SHROOM2: variants seen among roughly 807,000 people sequenced by gnomAD.
SHROOM2 encodes protein Shroom2.
SHROOM2 carries 33 observed loss-of-function variants against 75.9 expected under a neutral mutation model. The ratio of observed to expected loss-of-function variants is 0.43; its 90% confidence interval spans 0.33 to 0.58. The LOEUF is 0.58. Among genes scored for constraint, SHROOM2 ranks in the 20% least tolerant of loss-of-function variants. The probability of loss-of-function intolerance (pLI) is 0.04; values close to 1 mark genes in which losing one functional copy is unlikely to be tolerated. For missense variants in SHROOM2, 1,434 were observed against 1,461.2 expected (o/e 0.98, Z 0.30); for synonymous variants, 655 against 663.6 (o/e 0.99, Z 0.20).
At position 9,818,207 on chromosome X, in the gene SHROOM2, C is replaced by T. The variant is rs149297980; in HGVS notation, c.165+31497C>T. 944 of 171,817 alleles carry T rather than the reference C, an allele frequency of 5.5e-3. 8 individuals are homozygous for T. The highest frequency in any genetic ancestry group is 0.028 in the African/African-American group (904 of 32,469). The allele number at this position is 171,817 out of a possible 1,213,427, so 14.2% of individuals were successfully genotyped here. A position where few individuals can be genotyped will look rare whatever the true frequency, so the allele number is the denominator to read the frequency against. On this transcript the variant is annotated intron_variant, in intron 1 of 9. Transcript: ENST00000380913. ...TAACGGAGAAGAATTTGCAGCATTA[C>T]AATGTTAAGCTAGGTTGTATCCATC...
At position 9,914,906 on chromosome X, in the gene SHROOM2, A is replaced by T. The variant is rs1209673645; in HGVS notation, c.2891+16616A>T. On this transcript the variant is annotated intron_variant, in intron 5 of 9. Coordinates refer to ENST00000380913, the MANE Select transcript of SHROOM2 (RefSeq NM_001649.4). ...AGAACTGGCCCAAGAATTCCTAGTT[A>T]TTCTCTTAGTAACTTTCACATCCCT... 5.4e-5 allele frequency among the ~76,000 whole-genome samples: 6 copies of T among 111,463 alleles called. No homozygotes were observed. In the South Asian group the frequency reaches 2.2e-3, roughly 41 times the overall value.
chrX:9,838,057 GTTTTT>G (rs573554791), intron 1 of SHROOM2, among the ~76,000 whole-genome samples: 1 of 75,794 alleles, frequency 1.3e-5, no homozygotes, highest in Non-Finnish European at 2.4e-5. Context: ...TGTGTGTGTG[GTTTTT>G]TTTTTTTTTT....
chrX:9,795,873 G>T (rs1275403185), intron 1 of SHROOM2, among the ~76,000 whole-genome samples: 1 of 110,538 alleles, frequency 9.0e-6, no homozygotes, highest in Non-Finnish European at 1.9e-5. Flanking sequence ...GCTCAGCTGG[G>T]CGAGGGTGAT....
At chrX:9,936,683 C>T (rs192036242) in intron 6 of SHROOM2, among the ~76,000 whole-genome samples, 168 of 111,618 alleles carry the variant, frequency 1.5e-3, no homozygotes, top group African/African-American at 4.8e-3. Context: ...CTGAGAACTA[C>T]GCAGGAACCC....
At chrX:9,933,688 G>A (rs1224377195) in intron 6 of SHROOM2, among the ~76,000 whole-genome samples, 3 of 112,084 alleles carry the variant, frequency 2.7e-5, no homozygotes, top group African/African-American at 6.5e-5. Flanking sequence ...GAAGTGGGAG[G>A]ATCACCTGAG....
intron 1 of SHROOM2, among the ~76,000 whole-genome samples, chrX:9,812,297 T>C (rs1245003464): frequency 8.9e-6 from 1 of 111,906 alleles, no homozygotes; most frequent in Non-Finnish European, 1.9e-5. Flanking sequence ...CAGAGCAGCT[T>C]GCACAGCAGC....
chrX:9,947,532 A>G lies in SHROOM2; in HGVS notation c.*595A>G, dbSNP rs765103480. ...ATAGTTTCCTAATGGTTAAAAACCA[A>G]CTGTGAAAGGAACCACCTGTGTGGT... On this transcript the variant is annotated 3_prime_UTR_variant, in exon 10 of 10. Transcript: ENST00000380913. 8.9e-6 allele frequency: 1 copy of G among 112,795 alleles called. No individual in the cohort carries two copies. The highest frequency in any genetic ancestry group is 2.8e-4 in the East Asian group (1 of 3,582). 9.3% of individuals were successfully genotyped at this position (112,795 alleles called of 1,213,427 possible). A position where few individuals can be genotyped will look rare whatever the true frequency, so the allele number is the denominator to read the frequency against.
Position 9,932,199 on chromosome X carries a change from A to G in SHROOM2, c.2916A>G (p.Glu972=). Residue 972 remains glutamate (E), a synonymous_variant, in exon 6 of 10, where the codon GAA becomes GAG. Coordinates refer to ENST00000380913, the MANE Select transcript of SHROOM2 (RefSeq NM_001649.4). ...TPRQADAQCR[E]GSPGSQQHPP... ...GACAAGCAGATGCCCAGTGTCGGGA[A>G]GGCAGCCCAGGATCACAGCAGCACC... 1 of 1,127,401 alleles carries G rather than the reference A, an allele frequency of 8.9e-7. No individual in the cohort carries two copies. The highest frequency in any genetic ancestry group is 1.2e-6 in the Non-Finnish European group (1 of 852,289). 92.9% of individuals were successfully genotyped at this position (1,127,401 alleles called of 1,213,427 possible).
chrX:9,879,682 TTAATC>T (rs1415305303), intron 2 of SHROOM2, among the ~76,000 whole-genome samples: 7 of 112,618 alleles, frequency 6.2e-5, no homozygotes, highest in Non-Finnish European at 1.1e-4. Context: ...TTTAGCTAAT[TTAATC>T]AGATGAATCA....
Position 9,937,478 on chromosome X carries a change from T to C in SHROOM2, c.3932T>C (p.Val1311Ala), listed in dbSNP as rs1272450513. The C allele has an allele frequency of 2.5e-6, 3 of 1,210,458 alleles. No individual in the cohort carries two copies. The highest frequency in any genetic ancestry group is 4.4e-5 in the Admixed American group (2 of 45,903). Residue 1311 changes from valine to alanine, a missense_variant, in exon 7 of 10, where the codon GTG becomes GCG. Around this residue, in one of 3 missense-constraint regions of SHROOM2, gnomAD observed 1,340 missense variants for 1,338.3 expected, o/e 1.00. Transcript: ENST00000380913. ...TACATGAAGGCCAAAGAGAAGACTG[T>C]GGAAGACCTGAAGTCGGAGGAGCTG... ...LSYMKAKEKT[V>A]EDLKSEELAR... is the part of the protein sequence containing the mutation.
At chrX:9,857,009 A>G (rs2084074577) in intron 1 of SHROOM2, among the ~76,000 whole-genome samples, 1 of 112,302 alleles carries the variant, frequency 8.9e-6, no homozygotes, top group Non-Finnish European at 1.9e-5. Flanking sequence ...CTCTGATATT[A>G]GTAATGGGGG....
At chrX:9,819,118 T>G (rs745573795) in intron 1 of SHROOM2, 25 of 1,203,991 alleles carry the variant, frequency 2.1e-5, no homozygotes, top group Non-Finnish European at 2.7e-5. Flanking sequence ...GTGTCAAGCA[T>G]GCCTCGATAG....
At chrX:9,835,495 T>C (rs1448146125) in intron 1 of SHROOM2, among the ~76,000 whole-genome samples, 1 of 112,293 alleles carries the variant, frequency 8.9e-6, no homozygotes, top group Non-Finnish European at 1.9e-5. Flanking sequence ...TCTTATGCCA[T>C]CTTACAGGGC....
chrX:9,911,959 G>A (rs2084429797), intron 5 of SHROOM2, among the ~76,000 whole-genome samples: 1 of 109,897 alleles, frequency 9.1e-6, no homozygotes, highest in Admixed American at 9.8e-5. Context: ...TATAAGAAGT[G>A]CTGGGCACAG....
Position 9,946,402 on chromosome X carries a change from A to G in SHROOM2, c.4585-269A>G, listed in dbSNP as rs192681510. Among the ~76,000 whole-genome samples the G allele has an allele frequency of 8.0e-5, 9 of 112,559 alleles. No individual in the cohort carries two copies. In the East Asian group the frequency reaches 2.6e-3, roughly 32 times the overall value. Reference sequence around the variant, plus strand: ...GCTCACCATTCGAGGCAGGTGGGAGAGAGTCAGGCTCAGACAGCAAGAGGA... The same window carrying G: ...GCTCACCATTCGAGGCAGGTGGGAGGGAGTCAGGCTCAGACAGCAAGAGGA... On this transcript the variant is annotated intron_variant, in intron 9 of 9. Coordinates refer to ENST00000380913, the MANE Select transcript of SHROOM2 (RefSeq NM_001649.4).
chrX:9,930,412 G>A (rs2084636690), intron 5 of SHROOM2, among the ~76,000 whole-genome samples: 1 of 109,100 alleles, frequency 9.2e-6, no homozygotes, highest in African/African-American at 3.3e-5. Context: ...CTGCTAGGGA[G>A]GTTGAGGTGG....
At chrX:9,856,345 T>G (rs1325557464) in intron 1 of SHROOM2, among the ~76,000 whole-genome samples, 2 of 111,644 alleles carry the variant, frequency 1.8e-5, no homozygotes, top group Non-Finnish European at 3.8e-5. Context: ...AATTTGTGTC[T>G]TAAAGAAAAA....
intron 1 of SHROOM2, among the ~76,000 whole-genome samples, chrX:9,812,976 A>T (rs1052547867): frequency 1.8e-5 from 2 of 112,240 alleles, no homozygotes; most frequent in African/African-American, 6.5e-5. Context: ...AGCTTACGAT[A>T]ATCCAGTGTC....
rs140737763 is a variant in SHROOM2, at chrX:9,847,293, G to A, written c.166-26359G>A. Among the ~76,000 whole-genome samples the A allele has an allele frequency of 7.5e-3, 844 of 112,263 alleles. 6 individuals carry two copies. The highest frequency in any genetic ancestry group is 0.026 in the African/African-American group (812 of 30,882). ...GGGTGACTGCTACAGTGGCCTTTCC[G>A]GCACCAGGCCGTGCCTGACGGATGA... On this transcript the variant is annotated intron_variant, in intron 1 of 9. Coordinates refer to ENST00000380913, the MANE Select transcript of SHROOM2 (RefSeq NM_001649.4).
Sources: allele counts gnomAD v4.1 joint callset (sites outside exome capture counted in the v4.1 genomes callset), GRCh38; gene constraint gnomAD v4.1.1; regional missense constraint gnomAD v4.1.1; transcripts MANE v1.5; gene names NCBI Gene and HGNC (gene_info 2026-07-23, HGNC 2026-07-21).